ACO1: variants seen among roughly 807,000 people sequenced by gnomAD.
ACO1 encodes aconitase 1.
Under a neutral mutation model 105.1 loss-of-function variants are expected in ACO1, and 78 were observed. The observed-to-expected ratio is 0.74, with a 90% CI of 0.62 to 0.90. The LOEUF (loss-of-function observed/expected upper bound fraction) is 0.90. ACO1 is among the 40% of genes least tolerant of loss of function. The pLI, the probability that ACO1 is intolerant of heterozygous loss-of-function variation, is 0.00. For missense variants in ACO1, 965 were observed against 1,111.1 expected (o/e 0.87, Z 1.87); for synonymous variants, 364 against 397.4 (o/e 0.92, Z 1.00).
At chr9:32,441,076 C>G (rs1048538797) in intron 19 of ACO1, among the ~76,000 whole-genome samples, 3 of 152,326 alleles carry the variant, frequency 2.0e-5, no homozygotes, top group African/African-American at 7.2e-5. Flanking sequence ...AGAATGGGTT[C>G]TAAGTCTCCT....
rs778340187 is a variant in ACO1 at position 32,424,620 on chromosome 9, T to C, written c.1143T>C (p.Ala381=). 7 of 1,614,052 alleles carry C rather than the reference T, an allele frequency of 4.3e-6. No individual in the cohort carries two copies. The East Asian group carries it at 1.3e-4, about 31-fold the overall frequency. Residue 381 remains alanine (A), a synonymous_variant, in exon 10 of 21, where the codon GCT becomes GCC. Coordinates refer to ENST00000309951, the MANE Select transcript of ACO1 (RefSeq NM_002197.3). ...SGPKRPQDKV[A]VSDMKKDFES... ...CCAAAAGGCCTCAGGACAAAGTTGC[T>C]GTGTCCGACATGAAAAAGGACTTTG...
intron 1 of ACO1, among the ~76,000 whole-genome samples, chr9:32,401,903 C>T (rs1359471285): frequency 6.6e-6 from 1 of 152,206 alleles, no homozygotes; most frequent in Non-Finnish European, 1.5e-5. Flanking sequence ...GTACAAGTCA[C>T]CCAGCTAGTA....
Position 32,427,418 on chromosome 9 carries a change from C to T in ACO1, c.1466C>T (p.Pro489Leu). Reference sequence around the variant, plus strand: ...TACCTACAAGAAAGCGGAGTCATGCCTTATCTGTCTCAGCTTGGGTGAGGG... The same window carrying T: ...TACCTACAAGAAAGCGGAGTCATGCTTTATCTGTCTCAGCTTGGGTGAGGG... ...TYYLQESGVM[P>L]YLSQLGFDVV... Residue 489 changes from proline (P) to leucine (L), a missense_variant, in exon 12 of 21, where the codon CCT becomes CTT. Coordinates refer to ENST00000309951, the MANE Select transcript of ACO1 (RefSeq NM_002197.3). 1 of 1,614,206 alleles carries T rather than the reference C, an allele frequency of 6.2e-7. No individual in the cohort carries two copies. The highest frequency in any genetic ancestry group is 8.5e-7 in the Non-Finnish European group (1 of 1,180,040).
At chr9:32,423,878 A>G (rs1249080411) in intron 9 of ACO1, among the ~76,000 whole-genome samples, 1 of 152,192 alleles carries the variant, frequency 6.6e-6, no homozygotes. Flanking sequence ...GTAACCAAAC[A>G]CCACCTGTTC....
chr9:32,418,059 T>C (rs1587533111), intron 4 of ACO1, 69 bp from the exon 5 acceptor site: 2 of 1,422,294 alleles, frequency 1.4e-6, no homozygotes, highest in Non-Finnish European at 2.0e-6. Flanking sequence ...TGTTTCTTCA[T>C]CACCAATAAA....
rs1822453532 is a variant in ACO1, at chr9:32,440,497, G to A, written c.2280G>A (p.Gln760=). Residue 760 remains glutamine, a synonymous_variant, in exon 19 of 21, where the codon CAG becomes CAA. Transcript: ENST00000309951. ...LDVFDAAERY[Q]QAGLPLIVLA... ...TGTTTGATGCTGCTGAGCGGTACCA[G>A]CAGGCAGGCCTTCCCCTGATCGTTC... is the stretch of plus-strand genomic sequence containing the variant. The A allele has an allele frequency of 1.2e-6, 2 of 1,613,954 alleles. No homozygotes were observed. The highest frequency in any genetic ancestry group is 1.7e-6 in the Non-Finnish European group (2 of 1,179,928).
In ACO1 at chr9:32,448,879, C is replaced by T; in HGVS notation, c.2371-17C>T. On this transcript the variant is annotated splice_polypyrimidine_tract_variant and intron_variant, in intron 19 of 20. Coordinates refer to ENST00000309951, the MANE Select transcript of ACO1 (RefSeq NM_002197.3). ...AAAGATTGGAAGTATGTCTAAACTA[C>T]TGTCTTTATTCATCAGGGAATCAAA... 1 of 1,614,110 alleles carries T rather than the reference C, an allele frequency of 6.2e-7. No homozygotes were observed. The highest frequency in any genetic ancestry group is 1.1e-5 in the South Asian group (1 of 91,074).
chr9:32,422,900 G>A (rs1220671971), intron 8 of ACO1, among the ~76,000 whole-genome samples: 1 of 152,224 alleles, frequency 6.6e-6, no homozygotes, highest in Non-Finnish European at 1.5e-5. Context: ...GTGGTTTCAG[G>A]TGGGGTTGGG....
At chr9:32,410,826 A>G (rs947639282) in intron 4 of ACO1, among the ~76,000 whole-genome samples, 5 of 152,212 alleles carry the variant, frequency 3.3e-5, no homozygotes, top group Non-Finnish European at 7.3e-5. Context: ...TTTCTTACAC[A>G]TCTTCTAGTT....
chr9:32,424,683 G>C lies in ACO1; in HGVS notation c.1188+18G>C. 1 of 1,560,380 alleles carries C rather than the reference G, an allele frequency of 6.4e-7. No homozygotes were observed. The highest frequency in any genetic ancestry group is 1.4e-5 in the African/African-American group (1 of 73,840). On this transcript the variant is annotated intron_variant, in intron 10 of 20. Transcript: ENST00000309951. ...GAGCCAAGGTAGGGGCCTGCGGGAAGAGGTTGAATCCTCTCAACTCTACCT... is the reference window on the plus strand; with the variant it reads ...GAGCCAAGGTAGGGGCCTGCGGGAACAGGTTGAATCCTCTCAACTCTACCT...
In ACO1 at chr9:32,431,699, A is replaced by C. The variant is rs1400941317; in HGVS notation, c.1727-20A>C. 1.2e-6 allele frequency: 2 copies of C among 1,613,348 alleles called. No individual in the cohort carries two copies. Among genetic ancestry groups the C allele is most frequent in the Non-Finnish European group, 1.7e-6 (2 of 1,179,696 alleles). Reference sequence around the variant, plus strand: ...TTGCATATTAGAAAGTTTTCTCATTAATAAACATTTTTTCCCCAGGAGTAA... The same window carrying C: ...TTGCATATTAGAAAGTTTTCTCATTCATAAACATTTTTTCCCCAGGAGTAA... On this transcript the variant is annotated intron_variant, in intron 14 of 20. Coordinates refer to ENST00000309951, the MANE Select transcript of ACO1 (RefSeq NM_002197.3).
intron 1 of ACO1, among the ~76,000 whole-genome samples, chr9:32,403,077 G>A (rs1821532740): frequency 6.6e-6 from 1 of 152,172 alleles, no homozygotes; most frequent in Admixed American, 6.5e-5. Context: ...CCCAGCTTTA[G>A]GGGCTAGTGG....
At chr9:32,449,238 T>A (rs1261804781) in intron 20 of ACO1, among the ~76,000 whole-genome samples, 157 bp downstream of exon 20, 1 of 152,108 alleles carries the variant, frequency 6.6e-6, no homozygotes, top group Non-Finnish European at 1.5e-5. Context: ...CTTTTCTACC[T>A]GCCTTCATAG....
intron 11 of ACO1, among the ~76,000 whole-genome samples, chr9:32,426,635 A>G (rs912553692): frequency 6.6e-6 from 1 of 152,182 alleles, no homozygotes; most frequent in African/African-American, 2.4e-5. Context: ...GTGTATTGCC[A>G]CCTAAGCTTT....
chr9:32,395,313 T>C (rs948545511), intron 1 of ACO1, among the ~76,000 whole-genome samples: 1 of 152,020 alleles, frequency 6.6e-6, no homozygotes, highest in African/African-American at 2.4e-5. Flanking sequence ...CCGTCTCTAC[T>C]AAAAATACAA....
chr9:32,405,539 A>G lies in ACO1; in HGVS notation c.33A>G (p.Pro11=). ...ACCCATTCGCACACCTTGCTGAGCC[A>G]TTGGATCCTGTACAACCAGGAAAGA... MSNPFAHLAE[P]LDPVQPGKKF... is the part of the protein sequence containing the mutation. The change falls in exon 2 of 21, where the codon CCA becomes CCG. Residue 11 remains proline, a synonymous_variant. Coordinates refer to ENST00000309951, the MANE Select transcript of ACO1 (RefSeq NM_002197.3). 6.2e-7 allele frequency: 1 copy of G among 1,614,122 alleles called. No homozygotes were observed. Among genetic ancestry groups the G allele is most frequent in the South Asian group, 1.1e-5 (1 of 91,068 alleles).
chr9:32,415,486 T>C (rs1490904506), intron 4 of ACO1, among the ~76,000 whole-genome samples: 3 of 152,088 alleles, frequency 2.0e-5, no homozygotes, highest in Admixed American at 1.3e-4. Flanking sequence ...GTTTGACCCA[T>C]TGAGTTGATG....
intron 18 of ACO1, among the ~76,000 whole-genome samples, chr9:32,437,302 GA>G (rs1353674489): frequency 2.6e-5 from 4 of 152,152 alleles, no homozygotes; most frequent in Admixed American, 2.0e-4. Context: ...TCACACAGTG[GA>G]AAAGCTGAAA....
intron 1 of ACO1, among the ~76,000 whole-genome samples, chr9:32,402,145 T>C (rs1398960621): frequency 2.6e-5 from 4 of 152,328 alleles, no homozygotes; most frequent in Middle Eastern, 3.4e-3. Flanking sequence ...GAATAATTGC[T>C]CCCACCTTGT....
Sources: gnomAD v4.1 joint callset for allele counts (sites outside exome capture counted in the v4.1 genomes callset) on GRCh38, gnomAD v4.1.1 for gene constraint, MANE v1.5 for transcripts, NCBI Gene and HGNC (gene_info 2026-07-23, HGNC 2026-07-21) for gene names.